Variants in LGR4 observed in about 807,000 individuals in gnomAD.
The protein encoded by LGR4 is leucine rich repeat containing G protein-coupled receptor 4.
A neutral mutation model predicts 84.8 loss-of-function variants in LGR4; 44 were observed. The observed-to-expected ratio is 0.52, with a 90% CI of 0.41 to 0.67. The LOEUF (loss-of-function observed/expected upper bound fraction) is 0.67. Ranked by LOEUF, LGR4 falls within the 30% of genes least tolerant of loss-of-function variation. LGR4 has a pLI of 0.00. For missense variants in LGR4, 1,032 were observed against 1,131.4 expected, an observed-to-expected ratio of 0.91 and a Z score of 1.26; for synonymous variants, 429 against 434.3, an observed-to-expected ratio of 0.99 and a Z score of 0.15.
rs111587102 is a variant in LGR4 at position 27,377,559 on chromosome 11, T to C, written c.1044-336A>G. Among the ~76,000 whole-genome samples, 531 of 151,876 alleles carry C rather than the reference T, an allele frequency of 3.5e-3. 24 individuals are homozygous for C. In the East Asian group the frequency reaches 0.08, roughly 23 times the overall value. ...GAAAAATATACAAAATATATAAAATTTAAGTGGTAAAGCTACATTTTTTTA... is the reference window on the plus strand; with the variant it reads ...GAAAAATATACAAAATATATAAAATCTAAGTGGTAAAGCTACATTTTTTTA... On this transcript the variant is annotated intron_variant, in intron 11 of 17. Coordinates refer to ENST00000379214, the MANE Select transcript of LGR4 (RefSeq NM_018490.5).
chr11:27,385,518 A>C (rs1863172049), intron 4 of LGR4, 50 bp from the exon 5 acceptor site: 1 of 1,145,896 alleles, frequency 8.7e-7, no homozygotes, highest in East Asian at 2.4e-5. Context: ...TAGTGAAATG[A>C]GTCAGTTCAA....
In LGR4 at chr11:27,397,232, T is replaced by C. The variant is rs957417522; in HGVS notation, c.258-4714A>G. On this transcript the variant is annotated intron_variant, in intron 2 of 17. Transcript: ENST00000379214. ...CTGCCCTCTACAAACTGAAGCCTTGTTCAAGTTGTCCAAGTAGGGTACGCT... is the reference window on the plus strand; with the variant it reads ...CTGCCCTCTACAAACTGAAGCCTTGCTCAAGTTGTCCAAGTAGGGTACGCT... Among the ~76,000 whole-genome samples the C allele has an allele frequency of 2.6e-5, 4 of 152,154 alleles. No individual in the cohort carries two copies. In the East Asian group the frequency reaches 7.7e-4, roughly 29 times the overall value.
At chr11:27,378,917 C>T (rs1175795920) in intron 10 of LGR4, 149 bp from the exon 11 acceptor site, 3 of 605,680 alleles carry the variant, frequency 5.0e-6, no homozygotes, top group African/African-American at 1.9e-5. Flanking sequence ...GTTAGACATG[C>T]AAGAAGGTGA....
intron 6 of LGR4, among the ~76,000 whole-genome samples, chr11:27,384,093 T>A (rs912152501): frequency 9.2e-5 from 14 of 152,204 alleles, no homozygotes; most frequent in African/African-American, 3.1e-4. Flanking sequence ...CTTTGTAGAT[T>A]GAGCTGTTTT....
intron 1 of LGR4, among the ~76,000 whole-genome samples, chr11:27,420,247 G>A (rs1435221808): frequency 6.6e-6 from 1 of 152,064 alleles, no homozygotes; most frequent in Non-Finnish European, 1.5e-5. Context: ...CTTGAGAATC[G>A]AGAAATATGG....
intron 5 of LGR4, among the ~76,000 whole-genome samples, 184 bp downstream of exon 5, chr11:27,385,069 A>G (rs576568207): frequency 1.3e-4 from 20 of 152,320 alleles, no homozygotes; most frequent in African/African-American, 4.6e-4. Context: ...TTCAACAATT[A>G]TCATCAGCTG....
intron 1 of LGR4, 41 bp downstream of exon 1, chr11:27,472,077 G>A (rs2133468491): frequency 7.8e-6 from 7 of 896,412 alleles, no homozygotes; most frequent in South Asian, 3.4e-5. Flanking sequence ...GCTGGGCCCC[G>A]TTTCCTCCCC....
At chr11:27,439,901 CTTTTTT>C (rs1164372130) in intron 1 of LGR4, among the ~76,000 whole-genome samples, 1 of 100,726 alleles carries the variant, frequency 9.9e-6, no homozygotes, top group Admixed American at 1.0e-4. Context: ...TAGGATTTCT[CTTTTTT>C]TTTTTTTTTT....
At chr11:27,393,437 T>G (rs34671949) in intron 2 of LGR4, among the ~76,000 whole-genome samples, 2,362 of 152,228 alleles carry the variant, frequency 0.016, 55 homozygotes, top group African/African-American at 0.054. Flanking sequence ...TCTGTAACTA[T>G]GTATATATAT....
chr11:27,397,146 A>G (rs2133383054), intron 2 of LGR4, among the ~76,000 whole-genome samples: 1 of 152,208 alleles, frequency 6.6e-6, no homozygotes, highest in South Asian at 2.1e-4. Flanking sequence ...CAAACACACC[A>G]TGCATTGCCA....
chr11:27,439,042 T>C (rs1864257021), intron 1 of LGR4, among the ~76,000 whole-genome samples: 1 of 152,170 alleles, frequency 6.6e-6, no homozygotes, highest in East Asian at 1.9e-4. Context: ...AATGCCAAGG[T>C]TAAAAAACCC....
intron 1 of LGR4, among the ~76,000 whole-genome samples, chr11:27,471,193 T>TC (rs1177343677): frequency 6.6e-6 from 1 of 152,222 alleles, no homozygotes; most frequent in East Asian, 1.9e-4. Context: ...CAAGGGAACG[T>TC]CTAAAGCTCT....
intron 4 of LGR4, 74 bp downstream of exon 4, chr11:27,391,020 A>G: frequency 1.2e-6 from 1 of 855,622 alleles, no homozygotes; most frequent in Admixed American, 2.3e-5. Flanking sequence ...CTCTTTCCTT[A>G]CAATTCTAGT....
chr11:27,378,452 C>A (rs1431463789), intron 11 of LGR4, among the ~76,000 whole-genome samples: 1 of 152,048 alleles, frequency 6.6e-6, no homozygotes, highest in Non-Finnish European at 1.5e-5. Context: ...GAAGAAAGAA[C>A]CTATCTTGGT....
intron 2 of LGR4, among the ~76,000 whole-genome samples, chr11:27,407,745 TA>T (rs1201482755): frequency 6.6e-6 from 1 of 152,144 alleles, no homozygotes. Flanking sequence ...GATCAGGTGA[TA>T]ACATATATCA....
At chr11:27,376,411 C>A in intron 12 of LGR4, 41 bp from the exon 13 acceptor site, 7 of 1,081,860 alleles carry the variant, frequency 6.5e-6, no homozygotes, top group South Asian at 4.6e-5. Context: ...AAGACAAAGA[C>A]AAAGAAGAGA....
At chr11:27,413,389 G>A (rs1863747115) in intron 1 of LGR4, among the ~76,000 whole-genome samples, 1 of 152,096 alleles carries the variant, frequency 6.6e-6, no homozygotes. Flanking sequence ...GCAGGCTAAG[G>A]ACAAGTGCGT....
chr11:27,398,044 T>C (rs1438913220), intron 2 of LGR4, among the ~76,000 whole-genome samples: 2 of 152,246 alleles, frequency 1.3e-5, no homozygotes, highest in African/African-American at 2.4e-5. Context: ...ATCTCTTTTG[T>C]GTGCATTTAT....
rs1472717871 is a variant in LGR4 at position 27,368,127 on chromosome 11, A to G, written c.2596T>C (p.Leu866=). The G allele has an allele frequency of 3.1e-6, 5 of 1,614,140 alleles. No homozygotes were observed. The highest frequency in any genetic ancestry group is 4.2e-6 in the Non-Finnish European group (5 of 1,180,012). Reference sequence around the variant, plus strand: ...TGTTTGCATGATACTGGCTTTGTTAAAAGAAACGATTCGCAGCAGTCGCAA... The same window carrying G: ...TGTTTGCATGATACTGGCTTTGTTAGAAGAAACGATTCGCAGCAGTCGCAA... ...TVCDCCESFL[L]TKPVSCKHLI... Residue 866 remains leucine, a synonymous_variant, in exon 18 of 18, where the codon TTA becomes CTA. Coordinates refer to ENST00000379214, the MANE Select transcript of LGR4 (RefSeq NM_018490.5).
Sources: gnomAD v4.1 joint callset for allele counts (sites outside exome capture counted in the v4.1 genomes callset) on GRCh38, gnomAD v4.1.1 for gene constraint, MANE v1.5 for transcripts, NCBI Gene and HGNC (gene_info 2026-07-23, HGNC 2026-07-21) for gene names.